AFF3: variants seen among roughly 807,000 people sequenced by gnomAD.
The protein encoded by AFF3 is ALF transcription elongation factor 3.
In AFF3, 32 loss-of-function variants were observed where a neutral mutation model predicts 129.7. The observed-to-expected ratio is 0.25, with a 90% CI of 0.19 to 0.33. The LOEUF (loss-of-function observed/expected upper bound fraction) is 0.33, where lower values mean the gene tolerates loss of function less well. Among genes scored for constraint, AFF3 ranks in the 10% least tolerant of loss-of-function variants. AFF3 has a pLI of 1.00. For missense variants in AFF3, 1,373 were observed against 1,592.0 expected (o/e 0.86, Z 2.34); for synonymous variants, 644 against 635.4 (o/e 1.01, Z -0.20).
chr2:99,653,280 C>T (rs72817048), intron 12 of AFF3, among the ~76,000 whole-genome samples: 2,001 of 152,320 alleles, frequency 0.013, 62 homozygotes, highest in Admixed American at 0.064. Context: ...TCAGCAGGAG[C>T]CATGAGAGAC....
intron 9 of AFF3, among the ~76,000 whole-genome samples, chr2:99,746,319 T>A (rs2105158215): frequency 1.5e-5 from 1 of 66,010 alleles, no homozygotes; most frequent in African/African-American, 3.7e-5. Flanking sequence ...TCCACGAGTA[T>A]AGCTGTTATG....
At chr2:99,937,522 C>T (rs889803376) in intron 7 of AFF3, among the ~76,000 whole-genome samples, 2 of 152,174 alleles carry the variant, frequency 1.3e-5, no homozygotes, top group African/African-American at 4.8e-5. Context: ...CCTCAGCCTC[C>T]TGAGTAGCTG....
At chr2:99,989,153 G>A (rs1020438041) in intron 7 of AFF3, among the ~76,000 whole-genome samples, 9 of 152,216 alleles carry the variant, frequency 5.9e-5, no homozygotes, top group Non-Finnish European at 1.3e-4. Flanking sequence ...AGGTAGTATG[G>A]TCAGTGCTGG....
chr2:99,865,698 A>G (rs1278356268), intron 7 of AFF3, among the ~76,000 whole-genome samples: 2 of 152,220 alleles, frequency 1.3e-5, no homozygotes, highest in Non-Finnish European at 2.9e-5. Flanking sequence ...ATGTAAAACA[A>G]AGAAGGAGAC....
intron 7 of AFF3, among the ~76,000 whole-genome samples, chr2:99,839,106 T>C (rs1167361435): frequency 6.6e-6 from 1 of 152,110 alleles, no homozygotes; most frequent in East Asian, 1.9e-4. Flanking sequence ...TATGGTAATC[T>C]CTGTTTTAAC....
At position 99,787,875 on chromosome 2, in the gene AFF3, T is replaced by G. The variant is rs76507200; in HGVS notation, c.922-35574A>C. ...CGCCTCCTAAAGTTGTTATGATACT[T>G]CTCAGAACTAGACAGCATATATGAA... On this transcript the variant is annotated intron_variant, in intron 8 of 24. Transcript: ENST00000672756. Among the ~76,000 whole-genome samples the G allele has an allele frequency of 7.7e-4, 117 of 152,300 alleles. 2 individuals are homozygous for G. In the East Asian group the frequency reaches 0.022, roughly 29 times the overall value.
chr2:100,016,804 C>T (rs1274318129), intron 4 of AFF3, among the ~76,000 whole-genome samples: 5 of 122,386 alleles, frequency 4.1e-5, no homozygotes, highest in Non-Finnish European at 7.0e-5. Flanking sequence ...ATGGTGATGG[C>T]AGTGATGCTG....
In AFF3 at chr2:100,106,399, G is replaced by T. The variant is rs1283314651; in HGVS notation, c.-144-816C>A. 4.7e-6 allele frequency: 5 copies of T among 1,072,112 alleles called. No individual in the cohort carries two copies. The African/African-American group carries it at 6.7e-5, about 14-fold the overall frequency. The allele number at this position is 1,072,112 out of a possible 1,614,324, so 66.4% of individuals were successfully genotyped here. A position where few individuals can be genotyped will look rare whatever the true frequency, so the allele number is the denominator to read the frequency against. The stretch of plus-strand genomic sequence containing the variant: ...GAAAAAGTACAGGTGTGAAGGGCTG[G>T]CTGCCCAAATCCCAATGCACAGTGT... On this transcript the variant is annotated intron_variant, in intron 2 of 24. Transcript: ENST00000672756.
intron 15 of AFF3, among the ~76,000 whole-genome samples, chr2:99,589,397 ATTTTTTT>A (rs55888825): frequency 9.7e-6 from 1 of 103,384 alleles, no homozygotes; most frequent in Non-Finnish European, 1.9e-5. Flanking sequence ...AGATGTCAAC[ATTTTTTT>A]TTTTTTTTTT....
At chr2:99,991,467 G>A (rs1013696429) in intron 7 of AFF3, among the ~76,000 whole-genome samples, 2 of 152,182 alleles carry the variant, frequency 1.3e-5, no homozygotes, top group Non-Finnish European at 2.9e-5. Context: ...CACAAGACTT[G>A]CAAGTGTCTC....
intron 8 of AFF3, among the ~76,000 whole-genome samples, chr2:99,774,327 C>T (rs1310001442): frequency 6.6e-6 from 1 of 152,124 alleles, no homozygotes; most frequent in Non-Finnish European, 1.5e-5. Flanking sequence ...CATCACACTG[C>T]CCAACTTTAA....
intron 7 of AFF3, among the ~76,000 whole-genome samples, chr2:99,886,061 A>T (rs1249174073): frequency 1.3e-5 from 2 of 152,236 alleles, no homozygotes; most frequent in Non-Finnish European, 2.9e-5. Flanking sequence ...AAGAGAAACA[A>T]GTCCTGAACA....
intron 7 of AFF3, among the ~76,000 whole-genome samples, chr2:99,890,184 G>A (rs1001836800): frequency 1.3e-5 from 2 of 152,130 alleles, no homozygotes; most frequent in African/African-American, 4.8e-5. Context: ...CTCAGCCAGC[G>A]GTGCTCTGTG....
intron 7 of AFF3, among the ~76,000 whole-genome samples, chr2:99,874,749 T>C (rs1430579826): frequency 6.6e-6 from 1 of 152,230 alleles, no homozygotes; most frequent in African/African-American, 2.4e-5. Context: ...CTGTGGATTA[T>C]ATAATAGTAT....
chr2:99,883,553 A>G (rs1045013060), intron 7 of AFF3, among the ~76,000 whole-genome samples: 1 of 152,258 alleles, frequency 6.6e-6, no homozygotes, highest in Non-Finnish European at 1.5e-5. Context: ...TAATCTTTGG[A>G]GTGACCCTTC....
intron 13 of AFF3, among the ~76,000 whole-genome samples, chr2:99,609,604 C>T (rs1400983100): frequency 6.6e-6 from 1 of 152,192 alleles, no homozygotes; most frequent in East Asian, 1.9e-4. Flanking sequence ...TATATATATA[C>T]ACCACATTTT....
At chr2:99,789,897 A>T (rs1033738391) in intron 8 of AFF3, among the ~76,000 whole-genome samples, 2 of 152,236 alleles carry the variant, frequency 1.3e-5, no homozygotes. Context: ...CAAATTACAG[A>T]ATCATTCAAC....
rs565771812 is a variant in AFF3 at position 100,073,948 on chromosome 2, C to T, written c.53+30454G>A. On this transcript the variant is annotated intron_variant, in intron 4 of 24. Transcript: ENST00000672756. ...ATTGTTAAATTACAAAAAACAAGAA[C>T]ACGTGATCTGTATAATAGGGTACTA... Among the ~76,000 whole-genome samples the T allele has an allele frequency of 1.3e-4, 20 of 152,274 alleles. No individual in the cohort carries two copies. In the South Asian group the frequency reaches 4.1e-3, roughly 32 times the overall value.
chr2:99,572,296 C>A (rs1339728229), intron 18 of AFF3, among the ~76,000 whole-genome samples: 1 of 116,608 alleles, frequency 8.6e-6, no homozygotes. Context: ...TCCCACCACC[C>A]CCCCCCCCCC....
Sources: allele counts gnomAD v4.1 joint callset (sites outside exome capture counted in the v4.1 genomes callset), GRCh38; gene constraint gnomAD v4.1.1; transcripts MANE v1.5; gene names NCBI Gene and HGNC (gene_info 2026-07-23, HGNC 2026-07-21).